The following MECR variants were observed in gnomAD, a reference collection of about 807,000 sequenced individuals.
The protein encoded by MECR is enoyl-[acyl-carrier-protein] reductase, mitochondrial.
MECR carries 37 observed loss-of-function variants against 49.1 expected under a neutral mutation model. That is an observed-to-expected ratio of 0.75 (90% CI 0.58 to 0.99). MECR has a LOEUF of 0.99. Among genes scored for constraint, MECR ranks in the 50% least tolerant of loss-of-function variants. The pLI is 0.00. For synonymous variants in MECR, 198 were observed against 191.1 expected (o/e 1.04, Z -0.30); for missense variants, 470 against 479.6 (o/e 0.98, Z 0.19).
intron 1 of MECR, chr1:29,221,061 A>G: frequency 4.0e-6 from 1 of 247,622 alleles, no homozygotes; most frequent in Non-Finnish European, 6.4e-6. Context: ...AAAGGTGGGC[A>G]TGGTAGCACG....
intron 1 of MECR, among the ~76,000 whole-genome samples, chr1:29,225,424 C>G (rs554563991): frequency 6.6e-6 from 1 of 152,056 alleles, no homozygotes; most frequent in Non-Finnish European, 1.5e-5. Flanking sequence ...CTGACTAACC[C>G]GAGGGGGTTA....
At chr1:29,211,102 T>TG (rs368022013) in intron 3 of MECR, among the ~76,000 whole-genome samples, 95 of 151,584 alleles carry the variant, frequency 6.3e-4, no homozygotes, top group Middle Eastern at 6.8e-3. Flanking sequence ...TTTTTTTTTT[T>TG]GTTTTGAGAC....
At chr1:29,225,809 C>T (rs1352569531) in intron 1 of MECR, among the ~76,000 whole-genome samples, 1 of 152,052 alleles carries the variant, frequency 6.6e-6, no homozygotes, top group African/African-American at 2.4e-5. Context: ...GTAAACAGTG[C>T]CCTATAGTGA....
Position 29,203,279 on chromosome 1 carries a change from C to T in MECR, c.551-46G>A, listed in dbSNP as rs183853840. ...CCAAATCAAGCCCTGTATAGATCTGCAATAGGTCAAAGGCTCCCAGCCGGG... is the reference window on the plus strand; with the variant it reads ...CCAAATCAAGCCCTGTATAGATCTGTAATAGGTCAAAGGCTCCCAGCCGGG... On this transcript the variant is annotated intron_variant, in intron 4 of 9. Coordinates refer to ENST00000263702, the MANE Select transcript of MECR (RefSeq NM_016011.5). 2,522 of 1,448,564 alleles carry T rather than the reference C, an allele frequency of 1.7e-3. 3 individuals carry two copies. The highest frequency in any genetic ancestry group is 2.3e-3 in the Non-Finnish European group (2,401 of 1,058,168). The allele number at this position is 1,448,564 out of a possible 1,614,324, so 89.7% of individuals were successfully genotyped here. A position where few individuals can be genotyped will look rare whatever the true frequency, so the allele number is the denominator to read the frequency against.
At chr1:29,181,807 G>A in the MECR span, 5 of 1,451,278 alleles carry the variant, frequency 3.4e-6, no homozygotes, top group Admixed American at 2.4e-5. Flanking sequence ...AGGCGGCGGC[G>A]GGCAAAGCGA....
chr1:29,174,270 C>T, the MECR span, among the ~76,000 whole-genome samples: 839 of 151,764 alleles, frequency 5.5e-3, 9 homozygotes, highest in African/African-American at 0.019. Flanking sequence ...ATTAATTTAC[C>T]GAGTAATGGA....
chr1:29,213,331 C>A (rs570236503), intron 3 of MECR, among the ~76,000 whole-genome samples: 2 of 152,192 alleles, frequency 1.3e-5, no homozygotes, highest in African/African-American at 4.8e-5. Flanking sequence ...GTGTAGGAGA[C>A]GGTGGAGCCA....
chr1:29,214,989 G>A (rs1055779817), intron 3 of MECR, among the ~76,000 whole-genome samples: 2 of 151,880 alleles, frequency 1.3e-5, no homozygotes, highest in Non-Finnish European at 2.9e-5. Flanking sequence ...GCTTGGGCAG[G>A]GCCTTACCCC....
chr1:29,214,320 C>T (rs1322559978), intron 3 of MECR, among the ~76,000 whole-genome samples: 5 of 151,010 alleles, frequency 3.3e-5, no homozygotes, highest in East Asian at 2.0e-4. Context: ...CATGGCCTCC[C>T]GAAGTTCTGG....
Position 29,195,924 on chromosome 1 carries a change from C to T in MECR, c.964+17G>A. On this transcript the variant is annotated intron_variant, in intron 9 of 9. Transcript: ENST00000263702. ...CTGCCCTCATCTGTGACTCTTGGCA[C>T]TGGGCCATGCACTCACCTGGACTGT... is the stretch of plus-strand genomic sequence containing the variant. The T allele has an allele frequency of 6.2e-7, 1 of 1,614,014 alleles. No individual in the cohort carries two copies. Among genetic ancestry groups the T allele is most frequent in the Non-Finnish European group, 8.5e-7 (1 of 1,179,850 alleles).
At chr1:29,192,007 G>A (rs1673148738), downstream of MECR, among the ~76,000 whole-genome samples, 1 of 152,018 alleles carries the variant, frequency 6.6e-6, no homozygotes, top group Admixed American at 6.6e-5. Context: ...AAGGAGAATC[G>A]CTTGAACCCA....
chr1:29,212,793 G>A (rs571209824), intron 3 of MECR, among the ~76,000 whole-genome samples: 3 of 152,128 alleles, frequency 2.0e-5, no homozygotes, highest in Admixed American at 6.5e-5. Flanking sequence ...GGTACCCCTC[G>A]CACCGTGGAT....
chr1:29,186,564 G>C, the MECR span, among the ~76,000 whole-genome samples: 2 of 152,204 alleles, frequency 1.3e-5, no homozygotes, highest in Non-Finnish European at 1.5e-5. Context: ...TTCACATAAA[G>C]AGCGTTTAAA....
chr1:29,229,264 G>A (rs1452315138), intron 1 of MECR, among the ~76,000 whole-genome samples: 3 of 151,236 alleles, frequency 2.0e-5, no homozygotes, highest in Non-Finnish European at 4.4e-5. Context: ...GTGCAGTGGC[G>A]CAATCTCGAC....
rs1460567296 is a variant in MECR at position 29,230,587 on chromosome 1, C to T, written c.176+144G>A. ...CTTCAAGTACGGTCTTTCTGACCTA[C>T]CAAAAACGCCCTGGGCTTCGGCTTC... On this transcript the variant is annotated intron_variant, in intron 1 of 9. Coordinates refer to ENST00000263702, the MANE Select transcript of MECR (RefSeq NM_016011.5). 10 of 1,066,566 alleles carry T rather than the reference C, an allele frequency of 9.4e-6. No individual in the cohort carries two copies. The Admixed American group carries it at 1.2e-4, about 13-fold the overall frequency. 66.1% of individuals were successfully genotyped at this position (1,066,566 alleles called of 1,614,324 possible).
At chr1:29,170,149 C>A in the MECR span, 1 of 152,092 alleles carries the variant, frequency 6.6e-6, no homozygotes, top group East Asian at 1.9e-4. Context: ...CACTTTTCAA[C>A]ACTAAGGATA....
Position 29,201,194 on chromosome 1 carries a change from T to G in MECR, c.757-605A>C, listed in dbSNP as rs1675230571. Among the ~76,000 whole-genome samples the G allele has an allele frequency of 6.6e-6, 1 of 152,272 alleles. No homozygotes were observed. The highest frequency in any genetic ancestry group is 6.5e-5 in the Admixed American group (1 of 15,292). On this transcript the variant is annotated intron_variant, in intron 6 of 9. Coordinates refer to ENST00000263702, the MANE Select transcript of MECR (RefSeq NM_016011.5). This position sits in a 1 kb window ranked among gnomAD's most constrained non-coding sequence, Gnocchi z 4.3. The stretch of plus-strand genomic sequence containing the variant: ...AAAGAATAGGCAAAGGGCATCTGCA[T>G]GCAGTTTGGTGGGTTTCAGCTCCCT...
At chr1:29,202,154 G>A in intron 5 of MECR, 109 bp from the exon 6 acceptor site, 1 of 948,234 alleles carries the variant, frequency 1.1e-6, no homozygotes, top group Non-Finnish European at 1.7e-6. Flanking sequence ...TTTGCAGGAA[G>A]CTGGGATTAG....
At chr1:29,214,596 A>C (rs1448392816) in intron 3 of MECR, among the ~76,000 whole-genome samples, 1 of 8,208 alleles carries the variant, frequency 1.2e-4, no homozygotes, top group Non-Finnish European at 2.3e-4. Flanking sequence ...TCCTGATCTC[A>C]GGTGATCCAC....
Sources: allele counts gnomAD v4.1 joint callset (sites outside exome capture counted in the v4.1 genomes callset), GRCh38; gene constraint gnomAD v4.1.1; non-coding constraint Gnocchi (gnomAD v3.1); transcripts MANE v1.5; gene names NCBI Gene and HGNC (gene_info 2026-07-23, HGNC 2026-07-21).